FBXO31: variants seen among roughly 807,000 people sequenced by gnomAD.
FBXO31 encodes the protein F-box only protein 31.
A neutral mutation model predicts 54.4 loss-of-function variants in FBXO31; 24 were observed. That is an observed-to-expected ratio of 0.44 (90% confidence interval 0.32 to 0.62). FBXO31 has a LOEUF of 0.62. Among genes scored for constraint, FBXO31 ranks in the 20% least tolerant of loss-of-function variants. FBXO31 has a pLI of 0.05. For missense variants in FBXO31, 665 were observed against 787.1 expected (o/e 0.84, Z 1.86); for synonymous variants, 388 against 335.6 (o/e 1.16, Z -1.71).
chr16:87,381,591 A>G lies in FBXO31; in HGVS notation c.340+1814T>C, dbSNP rs558808569. ...CATTAAGCAACAAAAATAATTTATG[A>G]CGAACTCTGTCCGGGAGGACTTGGA... On this transcript the variant is annotated intron_variant, in intron 1 of 8. Transcript: ENST00000311635. 1.7e-3 allele frequency among the ~76,000 whole-genome samples: 263 copies of G among 152,358 alleles called. 1 individual carries two copies. The highest frequency in any genetic ancestry group is 5.9e-3 in the African/African-American group (247 of 41,578).
intron 1 of FBXO31, among the ~76,000 whole-genome samples, chr16:87,375,764 C>T (rs557538792): frequency 6.6e-6 from 1 of 152,260 alleles, no homozygotes; most frequent in African/African-American, 2.4e-5. Flanking sequence ...GGTTTTGTTT[C>T]CTATCCGGAG....
chr16:87,360,557 A>G (rs768917637), intron 1 of FBXO31, among the ~76,000 whole-genome samples, 191 bp from the exon 2 acceptor site: 36 of 152,240 alleles, frequency 2.4e-4, no homozygotes, highest in Non-Finnish European at 3.7e-4. Flanking sequence ...CGATGAAGAC[A>G]TTATTCTATT....
At position 87,383,481 on chromosome 16, in the gene FBXO31, G is replaced by A. The variant is rs758724946; in HGVS notation, c.264C>T (p.Pro88=). 6.3e-7 allele frequency: 1 copy of A among 1,591,432 alleles called. No homozygotes were observed. Among genetic ancestry groups the A allele is most frequent in the Non-Finnish European group, 8.5e-7 (1 of 1,172,324 alleles). The change falls in exon 1 of 9, where the codon CCC becomes CCT. Residue 88 remains proline, a synonymous_variant. Transcript: ENST00000311635. This position sits in a 1 kb window ranked among gnomAD's most constrained non-coding sequence, Gnocchi z 4.9. ...ACTTCGTGCAGACCTGGGCCAAGCT[G>A]GGTAGGTCCGTGCCCGGCAGCGACG... ...IFASLPGTDL[P]SLAQVCTKFR...
intron 1 of FBXO31, among the ~76,000 whole-genome samples, chr16:87,365,986 G>A (rs1385788981): frequency 1.3e-5 from 2 of 152,118 alleles, no homozygotes; most frequent in Admixed American, 6.5e-5. Flanking sequence ...CCAAGATTGC[G>A]CCACTGCACT....
chr16:87,336,273 A>G lies in FBXO31; in HGVS notation c.733-9T>C, dbSNP rs759843397. 1 of 1,613,072 alleles carries G rather than the reference A, an allele frequency of 6.2e-7. No individual in the cohort carries two copies. Among genetic ancestry groups the G allele is most frequent in the Non-Finnish European group, 8.5e-7 (1 of 1,179,298 alleles). The stretch of plus-strand genomic sequence containing the variant: ...AGCCACGTCCGAAACTCCTTCCAAA[A>G]GAACACAGGTCATGAATATCCATAT... On this transcript the variant is annotated splice_polypyrimidine_tract_variant and intron_variant, in intron 5 of 8. Transcript: ENST00000311635. The surrounding 1 kb of genome is among the most constrained non-coding windows in gnomAD (Gnocchi z 6.5).
chr16:87,342,170 A>G (rs373187666), intron 5 of FBXO31, among the ~76,000 whole-genome samples: 12 of 152,172 alleles, frequency 7.9e-5, no homozygotes, highest in South Asian at 6.2e-4. Flanking sequence ...GGCTCAGACA[A>G]TCCTCTCACC....
chr16:87,377,053 C>T (rs1387025483), intron 1 of FBXO31, among the ~76,000 whole-genome samples: 1 of 152,230 alleles, frequency 6.6e-6, no homozygotes, highest in Non-Finnish European at 1.5e-5. Context: ...ACAATGAACT[C>T]GTGAAACTGA....
chr16:87,374,903 C>T (rs776693561), intron 1 of FBXO31, among the ~76,000 whole-genome samples: 1 of 152,238 alleles, frequency 6.6e-6, no homozygotes, highest in Admixed American at 6.5e-5. Flanking sequence ...ACAGTGCCGA[C>T]TGGGCGTAAT....
intron 1 of FBXO31, among the ~76,000 whole-genome samples, chr16:87,361,833 G>A (rs887958696): frequency 6.6e-6 from 1 of 152,204 alleles, no homozygotes; most frequent in Non-Finnish European, 1.5e-5. Flanking sequence ...TCTTTCCAGC[G>A]GGACCGTTCC....
At chr16:87,360,093 G>A (rs973155370) in intron 2 of FBXO31, among the ~76,000 whole-genome samples, 3 of 152,224 alleles carry the variant, frequency 2.0e-5, no homozygotes, top group Non-Finnish European at 4.4e-5. Context: ...TAGTATCTAC[G>A]ATGCCCAGAA....
At position 87,383,529 on chromosome 16, in the gene FBXO31, G is replaced by T; in HGVS notation, c.216C>A (p.Pro72=). The change falls in exon 1 of 9, where the codon CCC becomes CCA. Residue 72 remains proline (P), a synonymous_variant. Coordinates refer to ENST00000311635, the MANE Select transcript of FBXO31 (RefSeq NM_024735.5). The surrounding 1 kb of genome is among the most constrained non-coding windows in gnomAD (Gnocchi z 4.9). ...PPRCSLLELP[P]ELLVEIFASL... is the part of the protein sequence containing the mutation. ...ACGCGAAGATCTCCACCAGCAGCTCGGGCGGCAGCTCCAGCAGCGAGCAGC... is the reference window on the plus strand; with the variant it reads ...ACGCGAAGATCTCCACCAGCAGCTCTGGCGGCAGCTCCAGCAGCGAGCAGC... 1 of 1,580,680 alleles carries T rather than the reference G, an allele frequency of 6.3e-7. No homozygotes were observed. Among genetic ancestry groups the T allele is most frequent in the Non-Finnish European group, 8.6e-7 (1 of 1,168,030 alleles).
intron 2 of FBXO31, among the ~76,000 whole-genome samples, chr16:87,357,476 A>G (rs1905947497): frequency 6.6e-6 from 1 of 151,714 alleles, no homozygotes; most frequent in African/African-American, 2.4e-5. Context: ...TTACAAGCAC[A>G]CGCCACCACA....
At chr16:87,331,677 G>C (rs1196664836) in intron 8 of FBXO31, among the ~76,000 whole-genome samples, 167 bp from the exon 9 acceptor site, 1 of 152,254 alleles carries the variant, frequency 6.6e-6, no homozygotes, top group Non-Finnish European at 1.5e-5. Flanking sequence ...GCAGCTGGGG[G>C]TGTGGGCTGA....
chr16:87,350,852 C>A (rs1199977499), intron 2 of FBXO31, among the ~76,000 whole-genome samples: 1 of 152,226 alleles, frequency 6.6e-6, no homozygotes, highest in African/African-American at 2.4e-5. Flanking sequence ...TGGGAGTTCC[C>A]TGTTGTGCTG....
In FBXO31 at chr16:87,345,806, T is replaced by C. The variant is rs1277970398; in HGVS notation, c.489+1368A>G. Among the ~76,000 whole-genome samples the C allele has an allele frequency of 6.6e-6, 1 of 152,192 alleles. No individual in the cohort carries two copies. Among genetic ancestry groups the C allele is most frequent in the Non-Finnish European group, 1.5e-5 (1 of 68,030 alleles). On this transcript the variant is annotated intron_variant, in intron 3 of 8. Transcript: ENST00000311635. The surrounding 1 kb of genome is among the most constrained non-coding windows in gnomAD (Gnocchi z 4.9). ...CCTTCTCCCCCCTTCCTGAGGCCAC[T>C]GACCACTGGCTGGGGAGGAAGGCCC... is the stretch of plus-strand genomic sequence containing the variant.
At chr16:87,361,593 G>A (rs556864445) in intron 1 of FBXO31, among the ~76,000 whole-genome samples, 6 of 152,314 alleles carry the variant, frequency 3.9e-5, no homozygotes, top group African/African-American at 9.6e-5. Flanking sequence ...CAGGAACGTC[G>A]ATACGATGCG....
upstream of FBXO31, chr16:87,383,902 C>T (rs959505207): frequency 4.3e-6 from 2 of 462,082 alleles, no homozygotes; most frequent in Non-Finnish European, 6.2e-6. This position sits in a 1 kb window ranked among gnomAD's most constrained non-coding sequence, Gnocchi z 4.9. Flanking sequence ...GCGCCACCCC[C>T]TCCCCGCGGG....
intron 1 of FBXO31, among the ~76,000 whole-genome samples, chr16:87,362,808 T>C (rs966069108): frequency 1.3e-5 from 2 of 152,204 alleles, no homozygotes; most frequent in East Asian, 3.8e-4. Context: ...ACAAGTGATC[T>C]GGCCTCCCAA....
intron 2 of FBXO31, among the ~76,000 whole-genome samples, chr16:87,349,673 G>A (rs1048453075): frequency 1.3e-5 from 2 of 151,638 alleles, no homozygotes; most frequent in Non-Finnish European, 1.5e-5. Context: ...CCACGCCACT[G>A]CACTCCAGCC....
Sources: gnomAD v4.1 joint callset for allele counts (sites outside exome capture counted in the v4.1 genomes callset) on GRCh38, gnomAD v4.1.1 for gene constraint, Gnocchi (gnomAD v3.1) non-coding constraint, MANE v1.5 for transcripts, NCBI Gene and HGNC (gene_info 2026-07-23, HGNC 2026-07-21) for gene names.